The following RBP3 variants were observed in gnomAD, a reference collection of about 807,000 sequenced individuals.
RBP3 encodes the protein retinol-binding protein 3.
Under a neutral mutation model 64.8 loss-of-function variants are expected in RBP3, and 50 were observed. The ratio of observed to expected loss-of-function variants is 0.77; its 90% confidence interval spans 0.61 to 0.98. RBP3 has a LOEUF of 0.98. Ranked by LOEUF, RBP3 falls within the 50% of genes least tolerant of loss-of-function variation. The probability of loss-of-function intolerance (pLI) is 0.00; values close to 1 mark genes in which losing one functional copy is unlikely to be tolerated. For missense variants in RBP3, 1,712 were observed against 1,660.5 expected, an observed-to-expected ratio of 1.03 and a Z score of -0.54; for synonymous variants, 828 against 730.2, an observed-to-expected ratio of 1.13 and a Z score of -2.16.
chr10:47,357,481 CCAGGG>C lies in RBP3; in HGVS notation c.*28_*32del. The C allele has an allele frequency of 2.5e-6, 4 of 1,579,514 alleles. No individual in the cohort carries two copies. Among genetic ancestry groups the C allele is most frequent in the Non-Finnish European group, 3.4e-6 (4 of 1,161,934 alleles). ...AGGGAAGGGCCCCATAGGCAGAGCC[CCAGGG>C]CAGACAGAACCTCTGGGACACACAC... On this transcript the variant is annotated 3_prime_UTR_variant, in exon 4 of 4. Coordinates refer to ENST00000584701, the MANE Select transcript of RBP3 (RefSeq NM_002900.3).
At chr10:47,351,857 A>G (rs1192043623) in intron 1 of RBP3, among the ~76,000 whole-genome samples, 1 of 152,222 alleles carries the variant, frequency 6.6e-6, no homozygotes, top group African/African-American at 2.4e-5. Flanking sequence ...ACAGGAAGCC[A>G]GTTCGGAAGC....
At chr10:47,354,819 G>A (rs1363712693) in intron 2 of RBP3, among the ~76,000 whole-genome samples, 1 of 152,206 alleles carries the variant, frequency 6.6e-6, no homozygotes, top group Admixed American at 6.5e-5. Flanking sequence ...GGGGCCCAAC[G>A]AGGTCACACA....
At position 47,350,415 on chromosome 10, in the gene RBP3, G is replaced by A. The variant is rs782106845; in HGVS notation, c.1931G>A (p.Gly644Glu). Residue 644 changes from glycine (G) to glutamate (E), a missense_variant, in exon 1 of 4, where the codon GGG becomes GAG. Transcript: ENST00000584701. Reference sequence around the variant, plus strand: ...CTGGGGGCCTTGGTGGAGGGCACAGGGCACCTGCTGGAGGCCCACTATGCT... The same window carrying A: ...CTGGGGGCCTTGGTGGAGGGCACAGAGCACCTGCTGGAGGCCCACTATGCT... ...QSLGALVEGT[G>E]HLLEAHYARP... 1.2e-6 allele frequency: 2 copies of A among 1,612,180 alleles called. No individual in the cohort carries two copies. The highest frequency in any genetic ancestry group is 1.1e-5 in the South Asian group (1 of 91,070).
chr10:47,350,102 C>T lies in RBP3; in HGVS notation c.1618C>T (p.Leu540Phe), dbSNP rs376714442. The change falls in exon 1 of 4, where the codon CTC (leucine) becomes TTC (phenylalanine). Residue 540 changes from leucine (L) to phenylalanine (F), a missense_variant. Leu to Phe is a conservative substitution (Grantham distance 22). Transcript: ENST00000584701. The stretch of plus-strand genomic sequence containing the variant: ...CAGCACCCAACGTGGGGTGTATCTG[C>T]TCACCAGCCACCGCACCGCCACGGC... ...RYSTQRGVYL[L>F]TSHRTATAAE... 101 of 1,612,932 alleles carry T rather than the reference C, an allele frequency of 6.3e-5. No homozygotes were observed. Among genetic ancestry groups the T allele is most frequent in the Non-Finnish European group, 8.5e-5 (100 of 1,180,026 alleles).
Position 47,357,468 on chromosome 10 carries a change from C to G in RBP3, c.*11C>G. 1 of 1,597,516 alleles carries G rather than the reference C, an allele frequency of 6.3e-7. No homozygotes were observed. The highest frequency in any genetic ancestry group is 8.5e-7 in the Non-Finnish European group (1 of 1,171,752). ...CAGGACCACCTGTAGGGAAGGGCCC[C>G]ATAGGCAGAGCCCCAGGGCAGACAG... is the stretch of plus-strand genomic sequence containing the variant. On this transcript the variant is annotated 3_prime_UTR_variant, in exon 4 of 4. Transcript: ENST00000584701.
Position 47,350,965 on chromosome 10 carries a change from C to T in RBP3, c.2481C>T (p.Pro827=), listed in dbSNP as rs782371726. Residue 827 remains proline (P), a synonymous_variant, in exon 1 of 4, where the codon CCC becomes CCT. Coordinates refer to ENST00000584701, the MANE Select transcript of RBP3 (RefSeq NM_002900.3). The stretch of plus-strand genomic sequence containing the variant: ...AAGTCACGGAGGTGTGGACCTTGCC[C>T]CAGGTCGCCGGCCAGCGCTACGGCT... ...TSKVTEVWTL[P]QVAGQRYGSH... 9.3e-6 allele frequency: 15 copies of T among 1,612,456 alleles called. No individual in the cohort carries two copies. The Admixed American group carries it at 2.2e-4, about 23-fold the overall frequency.
At position 47,349,896 on chromosome 10, in the gene RBP3, C is replaced by A. The variant is rs782505300; in HGVS notation, c.1412C>A (p.Thr471Lys). 2 of 1,613,152 alleles carry A rather than the reference C, an allele frequency of 1.2e-6. No homozygotes were observed. Among genetic ancestry groups the A allele is most frequent in the South Asian group, 1.1e-5 (1 of 91,076 alleles). Residue 471 changes from threonine (T) to lysine (K), a missense_variant, in exon 1 of 4, where the codon ACG (threonine) becomes AAG (lysine). Transcript: ENST00000584701. Reference protein sequence around the residue: ...LRQVWEPLQDTEHLIMDLRHN... With the variant: ...LRQVWEPLQDKEHLIMDLRHN... ...CAGGTGTGGGAGCCGCTACAGGACA[C>A]GGAGCACCTCATCATGGACCTGCGC...
chr10:47,350,112 A>C lies in RBP3; in HGVS notation c.1628A>C (p.His543Pro), dbSNP rs1213247528. The C allele has an allele frequency of 6.2e-7, 1 of 1,612,978 alleles. No homozygotes were observed. The highest frequency in any genetic ancestry group is 2.2e-5 in the East Asian group (1 of 44,870). The change falls in exon 1 of 4, where the codon CAC (histidine) becomes CCC (proline). Residue 543 changes from histidine (H) to proline (P), a missense_variant. Transcript: ENST00000584701. Reference protein sequence around the residue: ...TQRGVYLLTSHRTATAAEEFA... With the variant: ...TQRGVYLLTSPRTATAAEEFA... ...CGTGGGGTGTATCTGCTCACCAGCC[A>C]CCGCACCGCCACGGCCGCGGAGGAG...
Position 47,350,673 on chromosome 10 carries a change from T to C in RBP3, c.2189T>C (p.Ile730Thr), listed in dbSNP as rs1053679537. ...TCTCCAGAGGAGCTCACCTACCTTA[T>C]TGAGGCCCTGTTCAAGACAGAGGTG... Reference protein sequence around the residue: ...VPSPEELTYLIEALFKTEVLP... With the variant: ...VPSPEELTYLTEALFKTEVLP... The change falls in exon 1 of 4, where the codon ATT (isoleucine) becomes ACT (threonine). Residue 730 changes from isoleucine (I) to threonine (T), a missense_variant. Physicochemically the swap from Ile to Thr is moderately conservative, Grantham distance 89. Transcript: ENST00000584701. 11 of 1,612,858 alleles carry C rather than the reference T, an allele frequency of 6.8e-6. No individual in the cohort carries two copies. The highest frequency in any genetic ancestry group is 1.6e-4 in the Middle Eastern group (1 of 6,082).
In RBP3 at chr10:47,350,825, G is replaced by A. The variant is rs145285304; in HGVS notation, c.2341G>A (p.Asp781Asn). The change falls in exon 1 of 4, where the codon GAC (aspartate) becomes AAC (asparagine). Residue 781 changes from aspartate (D) to asparagine (N), a missense_variant. By Grantham distance (23) the Asp-to-Asn change is conservative. Transcript: ENST00000584701. The part of the protein sequence containing the change: ...QLVDTAALVI[D>N]LRYNPGSYST... Reference sequence around the variant, plus strand: ...GGTGGACACGGCTGCGCTGGTGATCGACCTGCGCTACAACCCTGGCAGCTA... The same window carrying A: ...GGTGGACACGGCTGCGCTGGTGATCAACCTGCGCTACAACCCTGGCAGCTA... 8.7e-6 allele frequency: 14 copies of A among 1,613,006 alleles called. No homozygotes were observed. Among genetic ancestry groups the A allele is most frequent in the South Asian group, 3.3e-5 (3 of 91,062 alleles).
chr10:47,349,535 C>T lies in RBP3; in HGVS notation c.1051C>T (p.Leu351=), dbSNP rs1836919743. The change falls in exon 1 of 4, where the codon CTG becomes TTG. Residue 351 remains leucine, a synonymous_variant. Transcript: ENST00000584701. ...YTLVDRVPTL[L]QHLASMDFST... Reference sequence around the variant, plus strand: ...GCTGGTGGACCGTGTGCCCACCCTGCTGCAGCACTTGGCCAGCATGGACTT... The same window carrying T: ...GCTGGTGGACCGTGTGCCCACCCTGTTGCAGCACTTGGCCAGCATGGACTT... 6.2e-7 allele frequency: 1 copy of T among 1,612,910 alleles called. No homozygotes were observed. The highest frequency in any genetic ancestry group is 8.5e-7 in the Non-Finnish European group (1 of 1,180,020).
chr10:47,355,605 C>A, intron 3 of RBP3, 87 bp downstream of exon 3: 1 of 1,554,410 alleles, frequency 6.4e-7, no homozygotes, highest in South Asian at 1.1e-5. Flanking sequence ...AGGTAAAAGT[C>A]ATAGTAACCA....
intron 1 of RBP3, 76 bp from the exon 2 acceptor site, chr10:47,353,248 TC>T: frequency 7.4e-7 from 1 of 1,351,670 alleles, no homozygotes; most frequent in South Asian, 1.2e-5. Context: ...CCTTAATATT[TC>T]CCATGGCGCC....
At chr10:47,354,631 T>G (rs1837022380) in intron 2 of RBP3, among the ~76,000 whole-genome samples, 1 of 152,204 alleles carries the variant, frequency 6.6e-6, no homozygotes, top group Admixed American at 6.5e-5. Context: ...CCATTTACAC[T>G]TTTTAAAGAG....
In RBP3 at chr10:47,353,334, C is replaced by G. The variant is rs1279328377; in HGVS notation, c.3064C>G (p.Pro1022Ala). The change falls in exon 2 of 4, where the codon CCT becomes GCT. Residue 1022 changes from proline (P) to alanine (A), a missense_variant. Pro to Ala is a conservative substitution (Grantham distance 27, BLOSUM62 -1). Transcript: ENST00000584701. ...CCTCCAACTCTTACAGATCCCTTCC[C>G]CTGAAGTATTTGAAGAGCTGATCAA... ...PGIVPMQIPS[P>A]EVFEELIKFS... 6.2e-7 allele frequency: 1 copy of G among 1,613,982 alleles called. No homozygotes were observed. The highest frequency in any genetic ancestry group is 8.5e-7 in the Non-Finnish European group (1 of 1,180,002).
Position 47,355,368 on chromosome 10 carries a change from T to A in RBP3, c.3246-8T>A. ...GCCCCTGAACAGGCTCTGCTTCCCA[T>A]CCTTCAGGTTCAACATCGGTGGCCC... On this transcript the variant is annotated splice_region_variant and splice_polypyrimidine_tract_variant and intron_variant, in intron 2 of 3. Coordinates refer to ENST00000584701, the MANE Select transcript of RBP3 (RefSeq NM_002900.3). 1.2e-6 allele frequency: 2 copies of A among 1,613,602 alleles called. No homozygotes were observed. The highest frequency in any genetic ancestry group is 1.7e-6 in the Non-Finnish European group (2 of 1,180,034).
At chr10:47,351,636 T>A in intron 1 of RBP3, 98 bp downstream of exon 1, 3 of 1,427,128 alleles carry the variant, frequency 2.1e-6, no homozygotes, top group Non-Finnish European at 2.0e-6. Flanking sequence ...TGACAATGGC[T>A]TTTAGATTTG....
rs200368290 is a variant in RBP3, at chr10:47,350,844, G to T, written c.2360G>T (p.Gly787Val). Residue 787 changes from glycine (G) to valine (V), a missense_variant, in exon 1 of 4, where the codon GGC becomes GTC. Gly to Val is a moderately radical substitution (Grantham distance 109, BLOSUM62 -3). Transcript: ENST00000584701. The stretch of plus-strand genomic sequence containing the variant: ...GTGATCGACCTGCGCTACAACCCTG[G>T]CAGCTACTCCACGGCCATCCCGCTG... Reference protein sequence around the residue: ...ALVIDLRYNPGSYSTAIPLLC... With the variant: ...ALVIDLRYNPVSYSTAIPLLC... The T allele has an allele frequency of 6.2e-7, 1 of 1,613,018 alleles. No homozygotes were observed. Among genetic ancestry groups the T allele is most frequent in the East Asian group, 2.2e-5 (1 of 44,886 alleles).
At position 47,349,755 on chromosome 10, in the gene RBP3, C is replaced by T. The variant is rs139515510; in HGVS notation, c.1271C>T (p.Ala424Val). Reference sequence around the variant, plus strand: ...CCTGAGGACGAGGCTATCCGGCAAGCACTGGTGGACTCTGTGTTCCAGGTG... The same window carrying T: ...CCTGAGGACGAGGCTATCCGGCAAGTACTGGTGGACTCTGTGTTCCAGGTG... ...ELPEDEAIRQ[A>V]LVDSVFQVSV... is the part of the protein sequence containing the mutation. Residue 424 changes from alanine (A) to valine (V), a missense_variant, in exon 1 of 4, where the codon GCA becomes GTA. By Grantham distance (64) the Ala-to-Val change is moderately conservative. Coordinates refer to ENST00000584701, the MANE Select transcript of RBP3 (RefSeq NM_002900.3). 2.5e-5 allele frequency: 41 copies of T among 1,612,842 alleles called. No individual in the cohort carries two copies. The African/African-American group carries it at 5.3e-4, about 21-fold the overall frequency.
Sources: gnomAD v4.1 joint callset for allele counts (sites outside exome capture counted in the v4.1 genomes callset) on GRCh38, gnomAD v4.1.1 for gene constraint, MANE v1.5 for transcripts, NCBI Gene and HGNC (gene_info 2026-07-23, HGNC 2026-07-21) for gene names.